ST8SIA6: variants seen among roughly 807,000 people sequenced by gnomAD.
ST8SIA6 encodes the protein ST8 alpha-N-acetyl-neuraminide alpha-2,8-sialyltransferase 6, also known as alpha-2,8-sialyltransferase 8F.
In ST8SIA6, 39 loss-of-function variants were observed where a neutral mutation model predicts 33.6. The ratio of observed to expected loss-of-function variants is 1.16; its 90% confidence interval spans 0.90 to 1.52. The LOEUF is 1.52. ST8SIA6 is among the 40% of genes most tolerant of loss of function. The probability of loss-of-function intolerance (pLI) is 0.00; values close to 1 mark genes in which losing one functional copy is unlikely to be tolerated. For synonymous variants in ST8SIA6, 172 were observed against 167.2 expected, an observed-to-expected ratio of 1.03 and a Z score of -0.22; for missense variants, 441 against 443.8, an observed-to-expected ratio of 0.99 and a Z score of 0.06.
intron 2 of ST8SIA6, among the ~76,000 whole-genome samples, chr10:17,414,102 T>A (rs1160874302): frequency 6.6e-6 from 1 of 152,174 alleles, no homozygotes; most frequent in African/African-American, 2.4e-5. Flanking sequence ...AAAACATTCT[T>A]ATCTCTCTTG....
At position 17,323,492 on chromosome 10, in the gene ST8SIA6, T is replaced by A. The variant is rs183623191; in HGVS notation, c.636-335A>T. 2.2e-3 allele frequency among the ~76,000 whole-genome samples: 325 copies of A among 150,420 alleles called. 1 individual carries two copies. The highest frequency in any genetic ancestry group is 7.6e-3 in the African/African-American group (313 of 40,930). On this transcript the variant is annotated intron_variant, in intron 6 of 7. Transcript: ENST00000377602. ...TCACTGCAACCTCCGCCTCTCGGAT[T>A]CAAGCAATTCTTCTGCCTCAGCCCC...
In ST8SIA6 at chr10:17,442,434, C is replaced by T. The variant is rs187411823; in HGVS notation, c.200+11125G>A. On this transcript the variant is annotated intron_variant, in intron 2 of 7. Transcript: ENST00000377602. ...TTCAAAAGGATTGTCTAGCAGCAGC[C>T]CAGAATAAACCTGAGTAACACTAAT... is the stretch of plus-strand genomic sequence containing the variant. Among the ~76,000 whole-genome samples, 22 of 152,238 alleles carry T rather than the reference C, an allele frequency of 1.4e-4. 1 individual carries two copies. In the East Asian group the frequency reaches 3.5e-3, roughly 24 times the overall value.
chr10:17,364,887 T>C (rs1046463666), intron 3 of ST8SIA6, among the ~76,000 whole-genome samples: 10 of 152,242 alleles, frequency 6.6e-5, no homozygotes, highest in African/African-American at 2.2e-4. Context: ...GTAGCTCTGC[T>C]TCAGATATCA....
intron 2 of ST8SIA6, among the ~76,000 whole-genome samples, chr10:17,398,180 A>G (rs1850890790): frequency 6.6e-6 from 1 of 152,114 alleles, no homozygotes; most frequent in Non-Finnish European, 1.5e-5. Flanking sequence ...TACAAAAATT[A>G]GCTAGGCATG....
At position 17,390,612 on chromosome 10, in the gene ST8SIA6, AG is replaced by A; in HGVS notation, c.208del (p.Leu70Ter). 3.1e-6 allele frequency: 5 copies of A among 1,612,660 alleles called. No individual in the cohort carries two copies. The highest frequency in any genetic ancestry group is 4.2e-6 in the Non-Finnish European group (5 of 1,179,200). On this transcript the variant is annotated frameshift_variant, in exon 3 of 8. Coordinates refer to ENST00000377602, the MANE Select transcript of ST8SIA6 (RefSeq NM_001004470.3). ...CGTCAGTTGGAGCGACTTCTCATTC[AG>A]ATATGTGCTGTTTCATGAAAGAGAT... is the stretch of plus-strand genomic sequence containing the variant. ...AVPRATNSTY[L>X]NEKSLQLTEK...
chr10:17,329,471 G>C (rs1848230991), intron 5 of ST8SIA6, among the ~76,000 whole-genome samples: 1 of 152,096 alleles, frequency 6.6e-6, no homozygotes, highest in South Asian at 2.1e-4. Context: ...AGAGTGACTG[G>C]CTCTTAAATG....
chr10:17,401,871 G>A (rs1432573857), intron 2 of ST8SIA6, among the ~76,000 whole-genome samples: 3,627 of 150,782 alleles, frequency 0.024, 55 homozygotes, highest in South Asian at 0.046. Context: ...CATAGGCATG[G>A]GCAGGGACTT....
intron 3 of ST8SIA6, among the ~76,000 whole-genome samples, chr10:17,374,456 A>G (rs896311830): frequency 4.0e-5 from 5 of 126,152 alleles, no homozygotes; most frequent in Non-Finnish European, 5.1e-5. Context: ...GCTCATGCCT[A>G]TGATTATAGG....
At chr10:17,331,881 A>G (rs997181078) in intron 4 of ST8SIA6, among the ~76,000 whole-genome samples, 1 of 152,096 alleles carries the variant, frequency 6.6e-6, no homozygotes, top group African/African-American at 2.4e-5. Context: ...TCCTGCACCT[A>G]TTAACCCGTC....
At chr10:17,343,102 G>T (rs893349773) in intron 4 of ST8SIA6, among the ~76,000 whole-genome samples, 1 of 152,164 alleles carries the variant, frequency 6.6e-6, no homozygotes. Flanking sequence ...CTTGCACTGT[G>T]CTAGGCTCTG....
At chr10:17,332,547 C>G (rs1404468872) in intron 4 of ST8SIA6, among the ~76,000 whole-genome samples, 1 of 152,174 alleles carries the variant, frequency 6.6e-6, no homozygotes. Flanking sequence ...TCACTGCAAC[C>G]TCTGCCTCCT....
chr10:17,317,531 TAAATA>T lies in ST8SIA6; in HGVS notation c.*3342_*3346del, dbSNP rs1167936303. On this transcript the variant is annotated 3_prime_UTR_variant, in exon 8 of 8. Coordinates refer to ENST00000377602, the MANE Select transcript of ST8SIA6 (RefSeq NM_001004470.3). ...TAATGTGTTTCCATGTCATGTTAGA[TAAATA>T]AAATGTCTTGAAGATCACAATATAT... Among the ~76,000 whole-genome samples, 2 of 152,330 alleles carry T rather than the reference TAAATA, an allele frequency of 1.3e-5. No individual in the cohort carries two copies. Among genetic ancestry groups the T allele is most frequent in the African/African-American group, 4.8e-5 (2 of 41,580 alleles).
intron 2 of ST8SIA6, among the ~76,000 whole-genome samples, chr10:17,402,682 C>A (rs556234076): frequency 6.6e-6 from 1 of 152,144 alleles, no homozygotes; most frequent in Non-Finnish European, 1.5e-5. Flanking sequence ...GAACAAAAAA[C>A]CAAACACCGC....
chr10:17,357,103 T>C (rs1263223475), intron 4 of ST8SIA6, among the ~76,000 whole-genome samples: 1 of 151,438 alleles, frequency 6.6e-6, no homozygotes, highest in African/African-American at 2.4e-5. Flanking sequence ...CAGCTCAGGA[T>C]GGAAATGTTT....
intron 3 of ST8SIA6, among the ~76,000 whole-genome samples, chr10:17,371,380 G>C (rs1213958347): frequency 6.6e-6 from 1 of 152,132 alleles, no homozygotes; most frequent in Non-Finnish European, 1.5e-5. Context: ...AAAAACATGA[G>C]ACTAAATGAG....
intron 2 of ST8SIA6, among the ~76,000 whole-genome samples, chr10:17,400,920 T>G (rs1055866480): frequency 3.3e-5 from 5 of 152,182 alleles, no homozygotes; most frequent in African/African-American, 1.2e-4. Context: ...GTGTTGGAAG[T>G]TCTGCCCAGG....
chr10:17,432,486 C>CATT (rs10653766), intron 2 of ST8SIA6, among the ~76,000 whole-genome samples: 6,563 of 152,248 alleles, frequency 0.043, 331 homozygotes, highest in African/African-American at 0.1. Context: ...GTTTATGATA[C>CATT]ATTATTATTG....
intron 3 of ST8SIA6, among the ~76,000 whole-genome samples, chr10:17,375,963 C>T (rs1211474953): frequency 6.6e-6 from 1 of 152,210 alleles, no homozygotes; most frequent in African/African-American, 2.4e-5. Flanking sequence ...GTGGCAGAGA[C>T]GCCTGGCGGA....
intron 2 of ST8SIA6, among the ~76,000 whole-genome samples, chr10:17,424,434 C>A (rs918787403): frequency 2.0e-5 from 3 of 152,058 alleles, no homozygotes; most frequent in Admixed American, 2.0e-4. Flanking sequence ...GCATCATTGT[C>A]ATTGTAACAG....
Sources: gnomAD v4.1 joint callset for allele counts (sites outside exome capture counted in the v4.1 genomes callset) on GRCh38, gnomAD v4.1.1 for gene constraint, MANE v1.5 for transcripts, NCBI Gene and HGNC (gene_info 2026-07-23, HGNC 2026-07-21) for gene names.